The following CFAP20DC variants were observed in gnomAD, a reference collection of about 807,000 sequenced individuals.
CFAP20DC encodes the protein CFAP20 domain containing, also known as protein CFAP20DC.
Under a neutral mutation model 101.7 loss-of-function variants are expected in CFAP20DC, and 84 were observed. That is an observed-to-expected ratio of 0.83 (90% CI 0.69 to 0.99). The LOEUF is 0.99. CFAP20DC is among the 50% of genes least tolerant of loss of function. The probability of loss-of-function intolerance (pLI) is 0.00; values close to 1 mark genes in which losing one functional copy is unlikely to be tolerated. For synonymous variants in CFAP20DC, 359 were observed against 351.2 expected (o/e 1.02, Z -0.25); for missense variants, 1,007 against 970.3 (o/e 1.04, Z -0.50).
rs2067472333 is a variant in CFAP20DC at position 58,721,453 on chromosome 3, TGAA to T, written c.198-3828_198-3826del. Among the ~76,000 whole-genome samples, 1 of 152,138 alleles carries T rather than the reference TGAA, an allele frequency of 6.6e-6. No homozygotes were observed. Among genetic ancestry groups the T allele is most frequent in the Non-Finnish European group, 1.5e-5 (1 of 68,022 alleles). ...TATTTATTCCAGGAGTCTGACCTAA[TGAA>T]GAAGGTCAGGGAAGTTTTCCACAAA... is the stretch of plus-strand genomic sequence containing the variant. On this transcript the variant is annotated intron_variant, in intron 3 of 3. Coordinates refer to the CFAP20DC transcript ENST00000486145. This position sits in a 1 kb window ranked among gnomAD's most constrained non-coding sequence, Gnocchi z 5.2.
intron 4 of CFAP20DC, chr3:59,017,638 A>G (rs1305548668): frequency 6.6e-6 from 1 of 152,142 alleles, no homozygotes; most frequent in Non-Finnish European, 1.5e-5. Flanking sequence ...AGTCTCATAC[A>G]TCCTCCTTAC....
At chr3:58,953,731 G>A (rs2090366086) in intron 4 of CFAP20DC, 1 of 151,926 alleles carries the variant, frequency 6.6e-6, no homozygotes, top group African/African-American at 2.4e-5. Flanking sequence ...CTTTTTTGGG[G>A]GCAATTTAGT....
intron 4 of CFAP20DC, among the ~76,000 whole-genome samples, chr3:58,981,772 A>G (rs2092557508): frequency 6.6e-6 from 1 of 152,322 alleles, no homozygotes; most frequent in South Asian, 2.1e-4. Context: ...AAACCTAGGC[A>G]ATACCATTCA....
At chr3:58,957,258 C>G (rs1439556823) in intron 4 of CFAP20DC, among the ~76,000 whole-genome samples, 2 of 152,154 alleles carry the variant, frequency 1.3e-5, no homozygotes, top group South Asian at 2.1e-4. Context: ...AAAATGTGCT[C>G]AATATCACTG....
In CFAP20DC at chr3:59,014,975, C is replaced by T. The variant is rs915098312; in HGVS notation, c.278+24582G>A. ...CAAGTACTAAGTAAGCATCAGGACC[C>T]TCAATACTCCATTACCACCCCAGAG... On this transcript the variant is annotated intron_variant, in intron 4 of 16. Coordinates refer to ENST00000482387, the MANE Select transcript of CFAP20DC (RefSeq NM_001394063.1). This position sits in a 1 kb window ranked among gnomAD's most constrained non-coding sequence, Gnocchi z 4.9. Among the ~76,000 whole-genome samples, 3 of 152,062 alleles carry T rather than the reference C, an allele frequency of 2.0e-5. No homozygotes were observed. The highest frequency in any genetic ancestry group is 1.3e-4 in the Admixed American group (2 of 15,248).
downstream of CFAP20DC, among the ~76,000 whole-genome samples, chr3:58,716,457 C>T (rs1445938427): frequency 6.6e-6 from 1 of 152,020 alleles, no homozygotes; most frequent in Non-Finnish European, 1.5e-5. Flanking sequence ...GCCACCGCGC[C>T]CGGCCTGCAG....
At chr3:58,866,401 T>C (rs1178624859) in intron 11 of CFAP20DC, 165 bp downstream of exon 11, 13 of 541,686 alleles carry the variant, frequency 2.4e-5, no homozygotes, top group Non-Finnish European at 1.6e-5. Flanking sequence ...CTTTCATCCA[T>C]TAAAGTTTGA....
At chr3:58,999,843 T>TAA (rs565894929) in intron 4 of CFAP20DC, among the ~76,000 whole-genome samples, 1,079 of 76,746 alleles carry the variant, frequency 0.014, 28 homozygotes, top group African/African-American at 0.042. Flanking sequence ...GTCACTAATG[T>TAA]AAAAAAAAAA....
intron 4 of CFAP20DC, chr3:58,970,379 G>A (rs1189152288): frequency 6.6e-6 from 1 of 152,176 alleles, no homozygotes; most frequent in African/African-American, 2.4e-5. Flanking sequence ...AACAAAGACA[G>A]ACGGAGAGGA....
intron 3 of CFAP20DC, chr3:58,726,731 C>G: frequency 6.3e-6 from 1 of 159,902 alleles, no homozygotes; most frequent in African/African-American, 3.0e-5. Flanking sequence ...CATCACTTCC[C>G]TTCACACCAT....
rs563173147 is a variant in CFAP20DC, at chr3:58,760,036, A to G, written c.2238-6173T>C. Among the ~76,000 whole-genome samples the G allele has an allele frequency of 2.9e-3, 440 of 152,300 alleles. 1 individual carries two copies. Among genetic ancestry groups the G allele is most frequent in the African/African-American group, 0.01 (423 of 41,560 alleles). On this transcript the variant is annotated intron_variant, in intron 15 of 16. Coordinates refer to ENST00000482387, the MANE Select transcript of CFAP20DC (RefSeq NM_001394063.1). ...AATGCGGGCTCCTTTTTGGTTTCAT[A>G]TGAACTTTAAAGTAGTTCTTTCCAA... is the stretch of plus-strand genomic sequence containing the variant.
downstream of CFAP20DC, among the ~76,000 whole-genome samples, chr3:58,741,715 C>T (rs1321402171): frequency 6.6e-6 from 1 of 151,978 alleles, no homozygotes; most frequent in Non-Finnish European, 1.5e-5. Context: ...CCAGGATGGT[C>T]TCGATCTCCT....
intron 4 of CFAP20DC, among the ~76,000 whole-genome samples, chr3:58,963,810 G>T (rs1298626667): frequency 5.3e-5 from 8 of 152,040 alleles, no homozygotes. Flanking sequence ...TTACCTCTTG[G>T]CCAAGGGGAC....
chr3:58,937,668 A>C lies in CFAP20DC; in HGVS notation c.373T>G (p.Phe125Val), dbSNP rs2087898490. 6.2e-7 allele frequency: 1 copy of C among 1,605,740 alleles called. No homozygotes were observed. The highest frequency in any genetic ancestry group is 1.3e-5 in the African/African-American group (1 of 74,714). Residue 125 changes from phenylalanine to valine, a missense_variant, in exon 5 of 17, where the codon TTC becomes GTC. Physicochemically the swap from Phe to Val is conservative, Grantham distance 50. Transcript: ENST00000482387. ...STPLHAKIPL[F>V]MIKRKIWCNL... ...CTTACAATTTTACGTTTGATCATGA[A>C]GAGTGGAATTTTTGCATGAAGAGGG...
At chr3:58,846,515 G>A (rs1488186194) in intron 13 of CFAP20DC, among the ~76,000 whole-genome samples, 7 of 151,194 alleles carry the variant, frequency 4.6e-5, no homozygotes, top group African/African-American at 9.8e-5. Context: ...AAATAAAAGA[G>A]GATACAAACA....
intron 16 of CFAP20DC, among the ~76,000 whole-genome samples, chr3:58,746,288 G>A (rs975162398): frequency 7.2e-5 from 11 of 152,074 alleles, no homozygotes; most frequent in Non-Finnish European, 1.5e-4. Context: ...ATGATTATAA[G>A]TGAAACTCTC....
chr3:58,848,499 G>A (rs1272581305), intron 13 of CFAP20DC, among the ~76,000 whole-genome samples: 1 of 152,084 alleles, frequency 6.6e-6, no homozygotes, highest in Admixed American at 6.6e-5. Context: ...AATACAGGAA[G>A]GAAAAAATCA....
chr3:58,746,013 G>T (rs2068171761), intron 16 of CFAP20DC, among the ~76,000 whole-genome samples: 1 of 152,182 alleles, frequency 6.6e-6, no homozygotes, highest in South Asian at 2.1e-4. Flanking sequence ...AACAGGATAT[G>T]TGAGCCAGAC....
chr3:58,839,013 C>T (rs1575839010), intron 13 of CFAP20DC, among the ~76,000 whole-genome samples: 1 of 152,068 alleles, frequency 6.6e-6, no homozygotes, highest in Non-Finnish European at 1.5e-5. Context: ...AGACTGTTTA[C>T]AGAAATGAAA....
Sources: allele counts gnomAD v4.1 joint callset (sites outside exome capture counted in the v4.1 genomes callset), GRCh38; gene constraint gnomAD v4.1.1; non-coding constraint Gnocchi (gnomAD v3.1); transcripts MANE v1.5; gene names NCBI Gene and HGNC (gene_info 2026-07-23, HGNC 2026-07-21).